Variants in KCNH7 observed in about 807,000 individuals in gnomAD.
KCNH7 encodes the protein potassium voltage-gated channel subfamily H member 7, also known as voltage-gated inwardly rectifying potassium channel KCNH7.
KCNH7 carries 49 observed loss-of-function variants against 120.8 expected under a neutral mutation model. That is an observed-to-expected ratio of 0.41 (90% CI 0.32 to 0.51). The LOEUF (loss-of-function observed/expected upper bound fraction) is 0.51. KCNH7 is among the 20% of genes least tolerant of loss of function. The pLI, the probability that KCNH7 is intolerant of heterozygous loss-of-function variation, is 0.38. For missense variants in KCNH7, 1,097 were observed against 1,446.6 expected (o/e 0.76, Z 3.92); for synonymous variants, 547 against 516.1 (o/e 1.06, Z -0.81).
intron 2 of KCNH7, among the ~76,000 whole-genome samples, chr2:162,607,948 C>T (rs759217815): frequency 6.6e-6 from 1 of 152,116 alleles, no homozygotes; most frequent in Non-Finnish European, 1.5e-5. Flanking sequence ...ATATGAACAT[C>T]GCTGCCTTAT....
chr2:162,477,856 C>T lies in KCNH7; in HGVS notation c.1128+26587G>A, dbSNP rs558796786. Among the ~76,000 whole-genome samples, 71 of 151,978 alleles carry T rather than the reference C, an allele frequency of 4.7e-4. 1 individual carries two copies. In the South Asian group the frequency reaches 0.014, roughly 31 times the overall value. ...TCCATCCATCCATCCATCCATCCATCCATTTGCCCACCCACCCAACTTTTA... is the reference window on the plus strand; with the variant it reads ...TCCATCCATCCATCCATCCATCCATTCATTTGCCCACCCACCCAACTTTTA... On this transcript the variant is annotated intron_variant, in intron 6 of 15. Coordinates refer to ENST00000332142, the MANE Select transcript of KCNH7 (RefSeq NM_033272.4).
intron 5 of KCNH7, among the ~76,000 whole-genome samples, chr2:162,505,857 C>A (rs1690859885): frequency 6.6e-6 from 1 of 151,746 alleles, no homozygotes; most frequent in Non-Finnish European, 1.5e-5. Flanking sequence ...AAGCATCAAG[C>A]AAGGTATAAA....
At chr2:162,814,258 C>T (rs529441218) in intron 2 of KCNH7, among the ~76,000 whole-genome samples, 7 of 152,262 alleles carry the variant, frequency 4.6e-5, no homozygotes, top group African/African-American at 1.7e-4. Context: ...CATTGGCACA[C>T]TTCCTAGAAA....
intron 9 of KCNH7, among the ~76,000 whole-genome samples, chr2:162,411,146 T>C (rs1413293921): frequency 6.6e-6 from 1 of 152,124 alleles, no homozygotes; most frequent in Non-Finnish European, 1.5e-5. Context: ...AAAGGACACA[T>C]GCACTTGTAT....
At chr2:162,812,889 A>T (rs1223155396) in intron 2 of KCNH7, among the ~76,000 whole-genome samples, 2 of 152,132 alleles carry the variant, frequency 1.3e-5, no homozygotes, top group African/African-American at 2.4e-5. Flanking sequence ...CCTTGGAGTA[A>T]CTGGTGACCT....
intron 2 of KCNH7, among the ~76,000 whole-genome samples, chr2:162,621,307 G>C (rs1434886680): frequency 1.7e-5 from 2 of 115,602 alleles, no homozygotes; most frequent in Non-Finnish European, 3.3e-5. Flanking sequence ...AGTGACCTAT[G>C]GCATGGGAAT....
chr2:162,741,310 A>T (rs1352327603), intron 2 of KCNH7, among the ~76,000 whole-genome samples: 1 of 149,876 alleles, frequency 6.7e-6, no homozygotes, highest in Non-Finnish European at 1.5e-5. Context: ...ATATGTTATT[A>T]ATTACACATA....
At chr2:162,696,807 G>A (rs1048198569) in intron 2 of KCNH7, among the ~76,000 whole-genome samples, 4 of 152,110 alleles carry the variant, frequency 2.6e-5, no homozygotes, top group African/African-American at 7.2e-5. Context: ...TGCCAAAAGC[G>A]GGACTATTTG....
intron 2 of KCNH7, among the ~76,000 whole-genome samples, chr2:162,691,288 T>G (rs936000940): frequency 2.6e-5 from 4 of 152,214 alleles, no homozygotes; most frequent in Non-Finnish European, 5.9e-5. Flanking sequence ...TTTAACTTCA[T>G]GGACTCCATT....
At position 162,685,119 on chromosome 2, in the gene KCNH7, T is replaced by A. The variant is rs549597895; in HGVS notation, c.308-148039A>T. On this transcript the variant is annotated intron_variant, in intron 2 of 15. Transcript: ENST00000332142. The stretch of plus-strand genomic sequence containing the variant: ...GAACAGAAAACCAAACGCCACATAT[T>A]CTCACTCATAAGTGGGAGTTGAACA... Among the ~76,000 whole-genome samples, 121 of 152,100 alleles carry A rather than the reference T, an allele frequency of 8.0e-4. 1 individual carries two copies. The highest frequency in any genetic ancestry group is 3.4e-3 in the Middle Eastern group (1 of 294).
intron 2 of KCNH7, among the ~76,000 whole-genome samples, chr2:162,549,292 C>T (rs1692585601): frequency 6.6e-6 from 1 of 152,158 alleles, no homozygotes; most frequent in Non-Finnish European, 1.5e-5. Flanking sequence ...CTGGCTTTAC[C>T]CATAACTAGA....
At chr2:162,828,545 T>A (rs1411449052) in intron 2 of KCNH7, among the ~76,000 whole-genome samples, 1 of 151,512 alleles carries the variant, frequency 6.6e-6, no homozygotes, top group African/African-American at 2.4e-5. Context: ...CCTATCAAAA[T>A]TAAGAAAGAA....
chr2:162,627,855 A>G (rs1683613689), intron 2 of KCNH7, among the ~76,000 whole-genome samples: 1 of 152,010 alleles, frequency 6.6e-6, no homozygotes, highest in African/African-American at 2.4e-5. Context: ...TTAGCCTAAT[A>G]GTATTGCAGT....
chr2:162,571,008 T>C (rs1356546338), intron 2 of KCNH7, among the ~76,000 whole-genome samples: 9 of 151,888 alleles, frequency 5.9e-5, no homozygotes, highest in Non-Finnish European at 1.3e-4. Context: ...CCCTCTCTCA[T>C]CACTCCTATT....
At chr2:162,596,907 A>G (rs1694397612) in intron 2 of KCNH7, among the ~76,000 whole-genome samples, 1 of 152,114 alleles carries the variant, frequency 6.6e-6, no homozygotes, top group Admixed American at 6.6e-5. Context: ...CTGAATAAAC[A>G]TTACTCAAAA....
intron 5 of KCNH7, among the ~76,000 whole-genome samples, chr2:162,508,744 A>C (rs1336298670): frequency 6.6e-6 from 1 of 151,544 alleles, no homozygotes; most frequent in Non-Finnish European, 1.5e-5. Context: ...CTAAGTCTAT[A>C]TTCAGAGAGG....
chr2:162,694,667 G>T (rs1358227618), intron 2 of KCNH7, among the ~76,000 whole-genome samples: 8 of 152,102 alleles, frequency 5.3e-5, no homozygotes, highest in Non-Finnish European at 8.8e-5. Context: ...ACTACTAAGA[G>T]GAGGTAGGGA....
intron 2 of KCNH7, among the ~76,000 whole-genome samples, chr2:162,750,395 G>T (rs1439144398): frequency 6.8e-6 from 1 of 147,048 alleles, no homozygotes; most frequent in Non-Finnish European, 1.5e-5. Flanking sequence ...TATAGTAAAA[G>T]AAATAAAAGA....
chr2:162,465,070 A>G (rs1689265677), intron 6 of KCNH7, among the ~76,000 whole-genome samples: 1 of 152,146 alleles, frequency 6.6e-6, no homozygotes, highest in African/African-American at 2.4e-5. Flanking sequence ...AAAAGGCAAT[A>G]ATTTTAAATA....
Sources: gnomAD v4.1 joint callset for allele counts (sites outside exome capture counted in the v4.1 genomes callset) on GRCh38, gnomAD v4.1.1 for gene constraint, MANE v1.5 for transcripts, NCBI Gene and HGNC (gene_info 2026-07-23, HGNC 2026-07-21) for gene names.